ATAD1: variants seen among roughly 807,000 people sequenced by gnomAD.
ATAD1 encodes ATPase family AAA domain containing 1.
In ATAD1, 18 loss-of-function variants were observed where a neutral mutation model predicts 42.7. The ratio of observed to expected loss-of-function variants is 0.42; its 90% CI spans 0.29 to 0.63. ATAD1 has a LOEUF of 0.63. Ranked by LOEUF, ATAD1 falls within the 20% of genes least tolerant of loss-of-function variation. The pLI, the probability that ATAD1 is intolerant of heterozygous loss-of-function variation, is 0.19. For missense variants in ATAD1, 294 were observed against 440.4 expected, an observed-to-expected ratio of 0.67 and a Z score of 2.98; for synonymous variants, 132 against 143.1, an observed-to-expected ratio of 0.92 and a Z score of 0.55.
intron 2 of ATAD1, among the ~76,000 whole-genome samples, chr10:87,795,430 T>G (rs1406271544): frequency 1.3e-5 from 2 of 150,908 alleles, no homozygotes; most frequent in African/African-American, 4.9e-5. Flanking sequence ...TACAGCTTAA[T>G]GAAAGTTATA....
intron 5 of ATAD1, among the ~76,000 whole-genome samples, chr10:87,779,495 G>C (rs1184937258): frequency 6.6e-6 from 1 of 152,114 alleles, no homozygotes; most frequent in African/African-American, 2.4e-5. Context: ...CCTAATTGTT[G>C]TTCCCAACAC....
At chr10:87,790,797 T>C (rs1856059797) in intron 3 of ATAD1, among the ~76,000 whole-genome samples, 1 of 152,072 alleles carries the variant, frequency 6.6e-6, no homozygotes, top group Non-Finnish European at 1.5e-5. Context: ...ATCAGGAATG[T>C]ACCTATTTTA....
intron 1 of ATAD1, among the ~76,000 whole-genome samples, chr10:87,829,350 G>C (rs1329321990): frequency 6.6e-6 from 1 of 151,810 alleles, no homozygotes; most frequent in African/African-American, 2.4e-5. Flanking sequence ...CTTCCTCCCG[G>C]GTTCAAGCAA....
chr10:87,820,069 G>T (rs1857601573), upstream of ATAD1, among the ~76,000 whole-genome samples: 1 of 152,118 alleles, frequency 6.6e-6, no homozygotes, highest in Non-Finnish European at 1.5e-5. Flanking sequence ...GAAAGATTAT[G>T]AGACGAGGAC....
intron 4 of ATAD1, among the ~76,000 whole-genome samples, chr10:87,785,040 C>T (rs906754266): frequency 2.0e-5 from 3 of 152,204 alleles, no homozygotes; most frequent in African/African-American, 7.2e-5. Context: ...TATTAGCCTA[C>T]AGAAGGTAAA....
chr10:87,777,590 A>G (rs1016295519), intron 5 of ATAD1, among the ~76,000 whole-genome samples: 10 of 151,900 alleles, frequency 6.6e-5, no homozygotes, highest in Non-Finnish European at 1.5e-4. Flanking sequence ...GCTACATCCT[A>G]ATAATTTAAA....
At chr10:87,839,862 C>A (rs1857998795) in intron 1 of ATAD1, among the ~76,000 whole-genome samples, 2 of 152,304 alleles carry the variant, frequency 1.3e-5, no homozygotes, top group Middle Eastern at 3.4e-3. Context: ...CTTTAAAAAT[C>A]TGTCAACACC....
At chr10:87,827,414 T>C (rs1295239765) in intron 1 of ATAD1, among the ~76,000 whole-genome samples, 1 of 152,212 alleles carries the variant, frequency 6.6e-6, no homozygotes, top group Non-Finnish European at 1.5e-5. Flanking sequence ...GCAGATATTA[T>C]GATTTTTACA....
At chr10:87,761,299 C>G (rs555165163) in intron 8 of ATAD1, among the ~76,000 whole-genome samples, 1 of 152,090 alleles carries the variant, frequency 6.6e-6, no homozygotes, top group Non-Finnish European at 1.5e-5. Context: ...AGAGAGCATT[C>G]GTATTTTGCA....
chr10:87,816,758 A>G (rs147953392), intron 1 of ATAD1, among the ~76,000 whole-genome samples: 2 of 152,370 alleles, frequency 1.3e-5, no homozygotes, highest in East Asian at 3.8e-4. Flanking sequence ...TTGAAAATGC[A>G]GTTGAAACGT....
chr10:87,792,619 CCTCT>C, intron 3 of ATAD1, 34 bp downstream of exon 3: 1 of 1,289,414 alleles, frequency 7.8e-7, no homozygotes, highest in Non-Finnish European at 1.1e-6. Context: ...CCCACCCCCA[CCTCT>C]AAAAAAATCT....
chr10:87,812,864 A>C (rs1857250396), intron 2 of ATAD1, among the ~76,000 whole-genome samples: 1 of 152,214 alleles, frequency 6.6e-6, no homozygotes, highest in South Asian at 2.1e-4. Context: ...CTAGAGGCCA[A>C]GCTCTTTCAT....
At chr10:87,768,252 AC>A (rs1158622569) in intron 7 of ATAD1, among the ~76,000 whole-genome samples, 1 of 152,178 alleles carries the variant, frequency 6.6e-6, no homozygotes, top group African/African-American at 2.4e-5. Flanking sequence ...TCCTATTTTT[AC>A]ACCATACAAT....
At chr10:87,817,752 G>A (rs980267497) in intron 1 of ATAD1, 2 of 985,304 alleles carry the variant, frequency 2.0e-6, no homozygotes, top group Non-Finnish European at 2.4e-6. Context: ...AACCACCTTC[G>A]ATTTTGCACA....
At chr10:87,836,054 G>C (rs1428080669) in intron 1 of ATAD1, among the ~76,000 whole-genome samples, 1 of 152,118 alleles carries the variant, frequency 6.6e-6, no homozygotes, top group African/African-American at 2.4e-5. Context: ...AGGAACTTAA[G>C]AGGTGAATTG....
chr10:87,760,290 T>C (rs1441446919), intron 8 of ATAD1, among the ~76,000 whole-genome samples: 1 of 152,016 alleles, frequency 6.6e-6, no homozygotes, highest in African/African-American at 2.4e-5. Flanking sequence ...GGGACAGACT[T>C]CCCCCTTGTT....
chr10:87,754,034 A>G lies in ATAD1; in HGVS notation c.*653T>C, dbSNP rs970834300. 1.3e-5 allele frequency: 2 copies of G among 152,344 alleles called. No homozygotes were observed. Among genetic ancestry groups the G allele is most frequent in the African/African-American group, 2.4e-5 (1 of 41,458 alleles). 9.4% of individuals were successfully genotyped at this position (152,344 alleles called of 1,614,324 possible). On this transcript the variant is annotated 3_prime_UTR_variant, in exon 10 of 10. Coordinates refer to ENST00000680024, the MANE Select transcript of ATAD1 (RefSeq NM_001321967.2). ...TTTGATTATCCTGACAAACATAATA[A>G]TTGAGCCCATGTATATATGCAAGAT... is the stretch of plus-strand genomic sequence containing the variant.
intron 1 of ATAD1, among the ~76,000 whole-genome samples, chr10:87,838,738 C>T (rs933812279): frequency 3.6e-5 from 5 of 137,548 alleles, no homozygotes; most frequent in African/African-American, 1.3e-4. Context: ...CATTCATATT[C>T]TCTCTCTCTC....
At chr10:87,776,125 T>G (rs934493913) in intron 6 of ATAD1, among the ~76,000 whole-genome samples, 196 bp downstream of exon 6, 1 of 152,214 alleles carries the variant, frequency 6.6e-6, no homozygotes. Context: ...AATCTACTAA[T>G]GTTTTGGTAA....
Sources: allele counts gnomAD v4.1 joint callset (sites outside exome capture counted in the v4.1 genomes callset), GRCh38; gene constraint gnomAD v4.1.1; transcripts MANE v1.5; gene names NCBI Gene and HGNC (gene_info 2026-07-23, HGNC 2026-07-21).